Variants in BEND2 observed in about 807,000 individuals in gnomAD.
The protein encoded by BEND2 is BEN domain containing 2, also known as BEN domain-containing protein 2.
Under a neutral mutation model 43.8 loss-of-function variants are expected in BEND2, and 19 were observed. The ratio of observed to expected loss-of-function variants is 0.43; its 90% CI spans 0.30 to 0.64. BEND2 has a LOEUF of 0.64. BEND2 is among the 30% of genes least tolerant of loss of function. The pLI is 0.11. For synonymous variants in BEND2, 226 were observed against 210.1 expected (o/e 1.08, Z -0.66); for missense variants, 544 against 574.0 (o/e 0.95, Z 0.53).
rs1322586049 is a variant in BEND2, at chrX:18,201,807, A to G, written c.1033+8T>C. ...CACGCCCAGCATTATGTATCATTTCAAACTCACCAAAATAGGGAGGGATGA... is the reference window on the plus strand; with the variant it reads ...CACGCCCAGCATTATGTATCATTTCGAACTCACCAAAATAGGGAGGGATGA... On this transcript the variant is annotated splice_region_variant and intron_variant, in intron 6 of 13. Transcript: ENST00000380033. 8.3e-7 allele frequency: 1 copy of G among 1,202,855 alleles called. No homozygotes were observed. The highest frequency in any genetic ancestry group is 2.2e-5 in the Admixed American group (1 of 44,637).
chrX:18,211,988 AAAAAAAAATC>A (rs1332172581), intron 4 of BEND2, among the ~76,000 whole-genome samples: 1 of 109,415 alleles, frequency 9.1e-6, no homozygotes. Context: ...TCTAGGATGG[AAAAAAAAATC>A]AAAATATATT....
intron 8 of BEND2, among the ~76,000 whole-genome samples, chrX:18,186,911 G>A (rs1186919212): frequency 9.3e-6 from 1 of 107,096 alleles, no homozygotes; most frequent in Non-Finnish European, 1.9e-5. Context: ...AGGGTACAGT[G>A]AGCCAAGATC....
chrX:18,197,373 G>T (rs1311237650), intron 6 of BEND2, among the ~76,000 whole-genome samples: 1 of 111,771 alleles, frequency 8.9e-6, no homozygotes, highest in Admixed American at 9.5e-5. Context: ...GGCAGAGGTT[G>T]CAGTGAGCCA....
intron 10 of BEND2, among the ~76,000 whole-genome samples, chrX:18,177,259 CT>C (rs3082649): frequency 0.016 from 893 of 56,222 alleles, 23 homozygotes; most frequent in African/African-American, 0.052. Context: ...GAGCTTTTTC[CT>C]TTTTTTTTTT....
Position 18,171,119 on chromosome X carries a change from C to T in BEND2, c.2067G>A (p.Ser689=), listed in dbSNP as rs754316057. ...LAKTKSCASL[S]ARYLIQKLFT... ...AGAGTTTCTGAATAAGGTATCTAGC[C>T]GACAGGCTTGCGCAAGACTTAGTTT... The change falls in exon 13 of 14, where the codon TCG becomes TCA. Residue 689 remains serine, a synonymous_variant. Transcript: ENST00000380033. 2.6e-5 allele frequency: 32 copies of T among 1,210,365 alleles called. No homozygotes were observed. The highest frequency in any genetic ancestry group is 1.8e-4 in the South Asian group (10 of 56,983).
chrX:18,178,338 C>A (rs983958629), intron 9 of BEND2, among the ~76,000 whole-genome samples: 3 of 111,402 alleles, frequency 2.7e-5, no homozygotes, highest in Non-Finnish European at 5.6e-5. Flanking sequence ...ACTCCCACCC[C>A]ATTATTCCCA....
In BEND2 at chrX:18,187,013, G is replaced by A. The variant is rs1306165870; in HGVS notation, c.1288+3988C>T. The stretch of plus-strand genomic sequence containing the variant: ...GATGGACACACACACACAAAAACAA[G>A]AAATTAAATCATGCCACCAGAAAAA... On this transcript the variant is annotated intron_variant, in intron 8 of 13. Coordinates refer to ENST00000380033, the MANE Select transcript of BEND2 (RefSeq NM_153346.5). Among the ~76,000 whole-genome samples, 5 of 104,725 alleles carry A rather than the reference G, an allele frequency of 4.8e-5. No individual in the cohort carries two copies. In the South Asian group the frequency reaches 1.3e-3, roughly 27 times the overall value. The allele number at this position is 104,725 out of a possible 115,157, so 90.9% of individuals were successfully genotyped here.
rs1234947077 is a variant in BEND2 at position 18,174,101 on chromosome X, T to C, written c.1910A>G (p.Asn637Ser). 2 of 1,211,766 alleles carry C rather than the reference T, an allele frequency of 1.7e-6. No homozygotes were observed. Among genetic ancestry groups the C allele is most frequent in the South Asian group, 3.5e-5 (2 of 56,992 alleles). ...KMREKRNLQP[N>S]SNAIPEGMRE... ...CATTCCTTCAGGGATAGCATTACTG[T>C]TTGGCTGCAAGTTCCTCTTTTCTCT... Residue 637 changes from asparagine (N) to serine (S), a missense_variant, in exon 12 of 14, where the codon AAC (asparagine) becomes AGC (serine). Around this residue, in one of 2 missense-constraint regions of BEND2, gnomAD observed 501 missense variants for 501.6 expected, o/e 1.00. Transcript: ENST00000380033.
At chrX:18,220,599 G>T in intron 1 of BEND2, 127 bp downstream of exon 1, 1 of 989,406 alleles carries the variant, frequency 1.0e-6, no homozygotes, top group South Asian at 2.0e-5. Flanking sequence ...GCCGCCCCCC[G>T]ACACGCCCCG....
intron 12 of BEND2, 87 bp from the exon 13 acceptor site, chrX:18,171,291 T>G (rs1282583458): frequency 2.3e-5 from 23 of 986,898 alleles, no homozygotes; most frequent in Non-Finnish European, 1.5e-5. Context: ...ACGTTGATTT[T>G]TCTCAATTGT....
At chrX:18,169,077 C>T (rs780409530) in intron 13 of BEND2, among the ~76,000 whole-genome samples, 2 of 109,972 alleles carry the variant, frequency 1.8e-5, no homozygotes, top group South Asian at 7.9e-4. Flanking sequence ...GACTGGAGTG[C>T]AGGGTTGCAG....
chrX:18,166,725 T>C (rs1923833238), intron 13 of BEND2, among the ~76,000 whole-genome samples: 1 of 109,138 alleles, frequency 9.2e-6, no homozygotes, highest in Non-Finnish European at 1.9e-5. Flanking sequence ...CCGTCTCTAC[T>C]AAAAATACAA....
intron 4 of BEND2, among the ~76,000 whole-genome samples, chrX:18,211,684 G>A (rs1925505596): frequency 9.0e-6 from 1 of 110,680 alleles, no homozygotes; most frequent in African/African-American, 3.3e-5. Context: ...TCAGGAGGCT[G>A]AGGTAGGAGA....
intron 12 of BEND2, among the ~76,000 whole-genome samples, chrX:18,173,719 A>T (rs1292086704): frequency 8.9e-6 from 1 of 111,890 alleles, no homozygotes; most frequent in Non-Finnish European, 1.9e-5. Context: ...AGAGAACAAG[A>T]AGTGCATCTC....
Position 18,163,287 on chromosome X carries a change from A to G in BEND2, c.*1722T>C, listed in dbSNP as rs963694775. 2.7e-5 allele frequency: 3 copies of G among 111,424 alleles called. No individual in the cohort carries two copies. The highest frequency in any genetic ancestry group is 9.8e-5 in the African/African-American group (3 of 30,572). 9.2% of individuals were successfully genotyped at this position (111,424 alleles called of 1,213,427 possible). A position where few individuals can be genotyped will look rare whatever the true frequency, so the allele number is the denominator to read the frequency against. ...TATTATTCCTCTTCAAGCCATGGGAACCACTTTTAAACACTTTTTTTTATA... is the reference window on the plus strand; with the variant it reads ...TATTATTCCTCTTCAAGCCATGGGAGCCACTTTTAAACACTTTTTTTTATA... On this transcript the variant is annotated 3_prime_UTR_variant, in exon 14 of 14. Coordinates refer to ENST00000380033, the MANE Select transcript of BEND2 (RefSeq NM_153346.5).
At chrX:18,176,163 T>G in intron 10 of BEND2, 70 bp from the exon 11 acceptor site, 1 of 1,021,458 alleles carries the variant, frequency 9.8e-7, no homozygotes. Context: ...AATTTTTTTC[T>G]TTAAACACTG....
chrX:18,188,893 G>A (rs1367925342), intron 8 of BEND2, among the ~76,000 whole-genome samples: 1 of 111,993 alleles, frequency 8.9e-6, no homozygotes, highest in East Asian at 2.8e-4. Context: ...CTAGGAAATA[G>A]AATTCAACAA....
At chrX:18,190,422 T>C (rs909341065) in intron 8 of BEND2, among the ~76,000 whole-genome samples, 2 of 111,598 alleles carry the variant, frequency 1.8e-5, no homozygotes, top group African/African-American at 6.5e-5. Flanking sequence ...CAAAAACTTG[T>C]ATAAATCTCC....
intron 10 of BEND2, among the ~76,000 whole-genome samples, chrX:18,176,680 G>GA (rs758262170): frequency 9.2e-4 from 99 of 107,946 alleles, no homozygotes; most frequent in African/African-American, 2.8e-3. Context: ...CCATGCGTCT[G>GA]AAAAAAAAAA....
Sources: allele counts gnomAD v4.1 joint callset (sites outside exome capture counted in the v4.1 genomes callset), GRCh38; gene constraint gnomAD v4.1.1; regional missense constraint gnomAD v4.1.1; transcripts MANE v1.5; gene names NCBI Gene and HGNC (gene_info 2026-07-23, HGNC 2026-07-21).